The following MYRIP variants were observed in gnomAD, a reference collection of about 807,000 sequenced individuals.
MYRIP encodes the protein myosin VIIA and Rab interacting protein, also known as rab effector MyRIP.
A neutral mutation model predicts 98.0 loss-of-function variants in MYRIP; 49 were observed. The observed-to-expected ratio is 0.50, with a 90% CI of 0.40 to 0.63. The LOEUF is 0.63. Among genes scored for constraint, MYRIP ranks in the 30% least tolerant of loss-of-function variants. The probability of loss-of-function intolerance (pLI) is 0.00; values close to 1 mark genes in which losing one functional copy is unlikely to be tolerated. For synonymous variants in MYRIP, 404 were observed against 409.5 expected, an observed-to-expected ratio of 0.99 and a Z score of 0.16; for missense variants, 1,004 against 1,058.2, an observed-to-expected ratio of 0.95 and a Z score of 0.71.
intron 1 of MYRIP, among the ~76,000 whole-genome samples, chr3:39,881,439 C>G (rs1943153121): frequency 6.6e-6 from 1 of 152,130 alleles, no homozygotes; most frequent in Admixed American, 6.6e-5. Context: ...AGTAATATCT[C>G]CAGGGCTTTC....
chr3:40,077,301 C>T (rs560056264), intron 3 of MYRIP, among the ~76,000 whole-genome samples: 13 of 152,260 alleles, frequency 8.5e-5, no homozygotes, highest in South Asian at 2.1e-4. Flanking sequence ...ACTGCTGGCT[C>T]GGGCAGCCTG....
At chr3:39,833,982 T>A (rs1941548384) in intron 1 of MYRIP, among the ~76,000 whole-genome samples, 1 of 152,198 alleles carries the variant, frequency 6.6e-6, no homozygotes, top group African/African-American at 2.4e-5. Context: ...TGAGCCAAGA[T>A]TGCACCATTG....
rs553006883 is a variant in MYRIP, at chr3:40,204,235, ATTTT to A, written c.1666-5610_1666-5607del. ...ATATATTATATATAAATATATATATATTTTTTTTTTTTGAGACAGAGTCTCACTC... is the reference window on the plus strand; with the variant it reads ...ATATATTATATATAAATATATATATATTTTTTTTGAGACAGAGTCTCACTC... On this transcript the variant is annotated intron_variant, in intron 10 of 16. Coordinates refer to ENST00000302541, the MANE Select transcript of MYRIP (RefSeq NM_015460.4). 7.5e-5 allele frequency among the ~76,000 whole-genome samples: 2 copies of A among 26,720 alleles called. 1 individual carries two copies. The highest frequency in any genetic ancestry group is 3.2e-4 in the African/African-American group (2 of 6,180). 17.5% of individuals were successfully genotyped at this position (26,720 alleles called of 152,430 possible). A position where few individuals can be genotyped will look rare whatever the true frequency, so the allele number is the denominator to read the frequency against.
chr3:40,254,485 G>C (rs1486798285), intron 16 of MYRIP, among the ~76,000 whole-genome samples: 1 of 151,348 alleles, frequency 6.6e-6, no homozygotes, highest in South Asian at 2.1e-4. Context: ...TGTCTGGGGG[G>C]GGTGGGGGCG....
chr3:40,243,885 A>G (rs1418026763), intron 12 of MYRIP, among the ~76,000 whole-genome samples: 1 of 152,238 alleles, frequency 6.6e-6, no homozygotes, highest in Non-Finnish European at 1.5e-5. Context: ...TTCTCTTAAC[A>G]TCACACTATT....
At chr3:39,814,822 A>T (rs1002916626) in intron 1 of MYRIP, among the ~76,000 whole-genome samples, 1 of 152,204 alleles carries the variant, frequency 6.6e-6, no homozygotes, top group Non-Finnish European at 1.5e-5. Context: ...TATAATTTAC[A>T]TTGAATCTAA....
chr3:40,207,028 C>G (rs1315418801), intron 10 of MYRIP, among the ~76,000 whole-genome samples: 1 of 152,124 alleles, frequency 6.6e-6, no homozygotes, highest in Non-Finnish European at 1.5e-5. Flanking sequence ...GTCACCATGG[C>G]TGAGTTTGTA....
intron 2 of MYRIP, among the ~76,000 whole-genome samples, chr3:40,022,491 C>T (rs1009536003): frequency 1.3e-5 from 2 of 152,168 alleles, no homozygotes; most frequent in African/African-American, 2.4e-5. Context: ...GCACTCTTTA[C>T]AGCTCAAGGG....
intron 2 of MYRIP, among the ~76,000 whole-genome samples, chr3:39,994,886 C>T (rs1358350140): frequency 6.6e-6 from 1 of 152,354 alleles, no homozygotes. Flanking sequence ...TCACCAATAT[C>T]TGCTGTTCTG....
chr3:40,210,141 G>A (rs1452182922), intron 11 of MYRIP, 48 bp downstream of exon 11: 9 of 1,585,148 alleles, frequency 5.7e-6, no homozygotes, highest in Non-Finnish European at 7.7e-6. Context: ...TCTGCAGTGG[G>A]GTGTTGGAGA....
intron 1 of MYRIP, among the ~76,000 whole-genome samples, chr3:39,853,139 C>T (rs1281676425): frequency 2.0e-5 from 3 of 152,170 alleles, no homozygotes; most frequent in Non-Finnish European, 2.9e-5. Flanking sequence ...ACTACATTTT[C>T]TTTACTCACT....
Position 40,136,270 on chromosome 3 carries a change from A to G in MYRIP, c.333-14778A>G, listed in dbSNP as rs200035343. Among the ~76,000 whole-genome samples the G allele has an allele frequency of 9.2e-5, 14 of 152,228 alleles. No individual in the cohort carries two copies. In the East Asian group the frequency reaches 2.5e-3, roughly 27 times the overall value. On this transcript the variant is annotated intron_variant, in intron 3 of 16. Coordinates refer to ENST00000302541, the MANE Select transcript of MYRIP (RefSeq NM_015460.4). The stretch of plus-strand genomic sequence containing the variant: ...TAAAACAGACTTTAAACCGACAAAG[A>G]TCAAAAGAGACAAAGAAGGCCATTA...
chr3:39,968,254 C>A (rs552842938), intron 2 of MYRIP, among the ~76,000 whole-genome samples: 1 of 151,186 alleles, frequency 6.6e-6, no homozygotes, highest in Non-Finnish European at 1.5e-5. Flanking sequence ...GGCACAATCT[C>A]GGCTCACTGC....
At chr3:39,934,294 AG>A (rs1196738160) in intron 2 of MYRIP, among the ~76,000 whole-genome samples, 1 of 151,668 alleles carries the variant, frequency 6.6e-6, no homozygotes, top group East Asian at 1.9e-4. Context: ...GGAGCTAAGG[AG>A]GGCAGAAGAA....
Position 39,859,052 on chromosome 3 carries a change from T to C in MYRIP, c.-30-41735T>C, listed in dbSNP as rs557025741. Among the ~76,000 whole-genome samples the C allele has an allele frequency of 3.7e-5, 5 of 136,430 alleles. No homozygotes were observed. In the South Asian group the frequency reaches 1.1e-3, roughly 31 times the overall value. 89.5% of individuals were successfully genotyped at this position (136,430 alleles called of 152,430 possible). ...AGCAATAAATATTAAAGCAGAAATA[T>C]AGAAAATAAAGACTAGAAAAACAAT... On this transcript the variant is annotated intron_variant, in intron 1 of 16. Transcript: ENST00000302541.
At chr3:40,025,507 G>A (rs1199665087) in intron 2 of MYRIP, among the ~76,000 whole-genome samples, 2 of 152,054 alleles carry the variant, frequency 1.3e-5, no homozygotes, top group Non-Finnish European at 2.9e-5. Context: ...CTCTAAGGTG[G>A]GTTTACCCTT....
At chr3:39,861,528 A>G (rs779809765) in intron 1 of MYRIP, among the ~76,000 whole-genome samples, 4 of 152,198 alleles carry the variant, frequency 2.6e-5, no homozygotes, top group Non-Finnish European at 5.9e-5. Context: ...AATTCAGAAC[A>G]TGGATAGAAA....
chr3:40,207,859 AT>A (rs1451262249), intron 10 of MYRIP, among the ~76,000 whole-genome samples: 1 of 152,110 alleles, frequency 6.6e-6, no homozygotes, highest in Non-Finnish European at 1.5e-5. Context: ...AATATAACCA[AT>A]TTCACCATTA....
intron 1 of MYRIP, among the ~76,000 whole-genome samples, chr3:39,819,676 G>A (rs1464712863): frequency 3.9e-5 from 6 of 152,328 alleles, no homozygotes; most frequent in South Asian, 2.1e-4. Context: ...CCAGAACAGC[G>A]TGACACCACC....
Sources: allele counts gnomAD v4.1 joint callset (sites outside exome capture counted in the v4.1 genomes callset), GRCh38; gene constraint gnomAD v4.1.1; transcripts MANE v1.5; gene names NCBI Gene and HGNC (gene_info 2026-07-23, HGNC 2026-07-21).